The following PPP3CA variants were observed in gnomAD, a reference collection of about 807,000 sequenced individuals.
PPP3CA encodes CAM-PRP catalytic subunit.
In PPP3CA, 14 loss-of-function variants were observed where a neutral mutation model predicts 66.5. That is an observed-to-expected ratio of 0.21 (90% CI 0.14 to 0.33). The LOEUF is 0.33. Ranked by LOEUF, PPP3CA falls within the 10% of genes least tolerant of loss-of-function variation. The pLI, the probability that PPP3CA is intolerant of heterozygous loss-of-function variation, is 1.00. For missense variants in PPP3CA, 317 were observed against 639.5 expected (o/e 0.50, Z 5.44); for synonymous variants, 232 against 226.2 (o/e 1.03, Z -0.23).
intron 1 of PPP3CA, among the ~76,000 whole-genome samples, chr4:101,304,272 T>C (rs1458570038): frequency 1.3e-5 from 2 of 152,216 alleles, no homozygotes; most frequent in Non-Finnish European, 1.5e-5. Flanking sequence ...AATTTCCTTA[T>C]AGTACTATCT....
At chr4:101,320,474 ATG>A (rs978696518) in intron 1 of PPP3CA, among the ~76,000 whole-genome samples, 247 of 129,500 alleles carry the variant, frequency 1.9e-3, no homozygotes, top group Middle Eastern at 3.8e-3. Context: ...GTATGTATGT[ATG>A]TGTGTGTGTG....
intron 2 of PPP3CA, among the ~76,000 whole-genome samples, chr4:101,175,493 T>C (rs898198702): frequency 2.6e-5 from 4 of 152,184 alleles, no homozygotes; most frequent in African/African-American, 9.7e-5. Flanking sequence ...TTCAACATAC[T>C]ACCTGATTTG....
chr4:101,027,026 C>T (rs1447596203), intron 13 of PPP3CA, among the ~76,000 whole-genome samples: 8 of 152,038 alleles, frequency 5.3e-5, no homozygotes, highest in African/African-American at 1.2e-4. Context: ...TGTGCTACAG[C>T]GATAGGTAAG....
chr4:101,178,028 T>G (rs1169836089), intron 2 of PPP3CA, among the ~76,000 whole-genome samples: 2 of 152,168 alleles, frequency 1.3e-5, no homozygotes, highest in Non-Finnish European at 2.9e-5. Context: ...GAGTTCCTAC[T>G]ACATATCAGT....
rs1365503873 is a variant in PPP3CA at position 101,026,068 on chromosome 4, A to C, written c.1370-7T>G. On this transcript the variant is annotated splice_region_variant and splice_polypyrimidine_tract_variant and intron_variant, in intron 13 of 13. Transcript: ENST00000394854. ...GGTGAAAATCCTTTGATAGCTAAAC[A>C]GAAAATCATTAAAAAAAGAAAACCA... 11 of 1,575,400 alleles carry C rather than the reference A, an allele frequency of 7.0e-6. No individual in the cohort carries two copies. Among genetic ancestry groups the C allele is most frequent in the African/African-American group, 1.4e-5 (1 of 72,894 alleles).
At chr4:101,241,690 G>A (rs1726315798) in intron 1 of PPP3CA, among the ~76,000 whole-genome samples, 1 of 151,938 alleles carries the variant, frequency 6.6e-6, no homozygotes, top group Admixed American at 6.6e-5. Flanking sequence ...TATTTCACCT[G>A]TAAATCTTTA....
intron 1 of PPP3CA, among the ~76,000 whole-genome samples, chr4:101,288,151 A>T (rs1188762633): frequency 6.6e-6 from 1 of 152,184 alleles, no homozygotes; most frequent in Non-Finnish European, 1.5e-5. Flanking sequence ...TTGGTGACAG[A>T]AACTTAAGGC....
intron 2 of PPP3CA, among the ~76,000 whole-genome samples, chr4:101,184,155 A>G (rs1047481403): frequency 1.3e-5 from 2 of 152,296 alleles, no homozygotes; most frequent in South Asian, 4.1e-4. Flanking sequence ...AAAGAGAAAG[A>G]AATAGGTAGA....
At chr4:101,171,287 C>T (rs1560638953) in intron 2 of PPP3CA, 1 of 448,310 alleles carries the variant, frequency 2.2e-6, no homozygotes, top group South Asian at 1.6e-5. Context: ...AGGAGCTAAA[C>T]ATGTATATTC....
At chr4:101,150,303 G>T (rs536986838) in intron 2 of PPP3CA, among the ~76,000 whole-genome samples, 1 of 152,104 alleles carries the variant, frequency 6.6e-6, no homozygotes, top group South Asian at 2.1e-4. Context: ...TTCTTGTACC[G>T]CTAACAGTTC....
intron 1 of PPP3CA, among the ~76,000 whole-genome samples, chr4:101,291,390 T>C (rs946668726): frequency 3.3e-5 from 5 of 152,140 alleles, no homozygotes; most frequent in South Asian, 2.1e-4. Context: ...AATCTGAGGA[T>C]TGCCTTCCCA....
intron 2 of PPP3CA, among the ~76,000 whole-genome samples, chr4:101,179,657 C>T (rs1724173820): frequency 6.6e-6 from 1 of 152,156 alleles, no homozygotes; most frequent in African/African-American, 2.4e-5. Flanking sequence ...CTAAGAGCAA[C>T]TGGACAATAC....
chr4:101,045,405 T>G (rs1349114505), intron 10 of PPP3CA, among the ~76,000 whole-genome samples: 1 of 152,192 alleles, frequency 6.6e-6, no homozygotes, highest in Non-Finnish European at 1.5e-5. Context: ...ATTTATACCA[T>G]GAAAATCTGC....
intron 1 of PPP3CA, among the ~76,000 whole-genome samples, chr4:101,213,312 T>A (rs750232192): frequency 1.3e-5 from 2 of 152,172 alleles, no homozygotes; most frequent in Non-Finnish European, 2.9e-5. Context: ...AAAGTTAATA[T>A]CCTTTAACCT....
At chr4:101,104,388 A>C (rs1730568592) in intron 3 of PPP3CA, among the ~76,000 whole-genome samples, 1 of 152,184 alleles carries the variant, frequency 6.6e-6, no homozygotes, top group Non-Finnish European at 1.5e-5. Flanking sequence ...GATAGGGAGA[A>C]GGCTGTGTGT....
chr4:101,094,554 G>T (rs766254518), intron 5 of PPP3CA, among the ~76,000 whole-genome samples: 2 of 152,104 alleles, frequency 1.3e-5, no homozygotes, highest in Non-Finnish European at 2.9e-5. Context: ...TCCTGTAGTT[G>T]ATCTTAGTGG....
intron 1 of PPP3CA, among the ~76,000 whole-genome samples, chr4:101,307,030 A>G (rs956288216): frequency 2.0e-5 from 3 of 152,150 alleles, no homozygotes; most frequent in South Asian, 2.1e-4. Flanking sequence ...TCAAGAACCA[A>G]TGCTACTGGT....
chr4:101,300,954 A>G (rs2110299029), intron 1 of PPP3CA, among the ~76,000 whole-genome samples: 1 of 152,338 alleles, frequency 6.6e-6, no homozygotes, highest in Middle Eastern at 3.4e-3. Context: ...ACACCAAAAA[A>G]TAATAATGAA....
chr4:101,078,718 A>G (rs528866618), intron 8 of PPP3CA, among the ~76,000 whole-genome samples: 2 of 152,238 alleles, frequency 1.3e-5, no homozygotes, highest in East Asian at 3.9e-4. Flanking sequence ...CTATTTTTCC[A>G]TTGATTGTGT....
Sources: allele counts gnomAD v4.1 joint callset (sites outside exome capture counted in the v4.1 genomes callset), GRCh38; gene constraint gnomAD v4.1.1; transcripts MANE v1.5; gene names NCBI Gene and HGNC (gene_info 2026-07-23, HGNC 2026-07-21).